WWOX: variants seen among roughly 807,000 people sequenced by gnomAD.
WWOX encodes the protein WW domain containing oxidoreductase.
WWOX carries 69 observed loss-of-function variants against 46.2 expected under a neutral mutation model. The ratio of observed to expected loss-of-function variants is 1.49; its 90% CI spans 1.23 to 1.82. The LOEUF (loss-of-function observed/expected upper bound fraction) is 1.82. WWOX is among the 40% of genes most tolerant of loss of function. The pLI, the probability that WWOX is intolerant of heterozygous loss-of-function variation, is 0.00. For synonymous variants in WWOX, 359 were observed against 202.6 expected, an observed-to-expected ratio of 1.77 and a Z score of -6.56; for missense variants, 919 against 542.6, an observed-to-expected ratio of 1.69 and a Z score of -6.89.
At chr16:78,100,367 C>G (rs1278601633) in intron 1 of WWOX, among the ~76,000 whole-genome samples, 1 of 152,172 alleles carries the variant, frequency 6.6e-6, no homozygotes, top group Non-Finnish European at 1.5e-5. Context: ...ATCCTCTCAT[C>G]TCAGCCTCTT....
At chr16:78,308,849 A>G (rs1421326682) in intron 5 of WWOX, among the ~76,000 whole-genome samples, 1 of 152,050 alleles carries the variant, frequency 6.6e-6, no homozygotes, top group East Asian at 1.9e-4. Flanking sequence ...ACTTTTAACC[A>G]ATTGCCAATC....
chr16:78,807,329 G>T (rs951620918), intron 8 of WWOX, among the ~76,000 whole-genome samples: 6 of 152,182 alleles, frequency 3.9e-5, no homozygotes, highest in African/African-American at 7.2e-5. Context: ...ACAGATGCCA[G>T]TGACACCCAG....
intron 5 of WWOX, chr16:78,238,285 TG>T: frequency 6.6e-6 from 1 of 152,398 alleles, no homozygotes; most frequent in South Asian, 2.1e-4. Context: ...TCCTTTCTAG[TG>T]TGAATGTTCA....
chr16:78,205,598 CAT>C (rs1162101985), intron 5 of WWOX, among the ~76,000 whole-genome samples: 1 of 151,946 alleles, frequency 6.6e-6, no homozygotes, highest in Non-Finnish European at 1.5e-5. Context: ...CCCACCCATC[CAT>C]ACACACTTCC....
intron 5 of WWOX, among the ~76,000 whole-genome samples, chr16:78,355,154 G>C (rs1247279662): frequency 6.6e-6 from 1 of 151,938 alleles, no homozygotes; most frequent in Non-Finnish European, 1.5e-5. Flanking sequence ...AAGTAGAGAG[G>C]ATAGTATAAT....
intron 5 of WWOX, among the ~76,000 whole-genome samples, chr16:78,367,532 A>G (rs1391909779): frequency 6.6e-6 from 1 of 152,196 alleles, no homozygotes; most frequent in African/African-American, 2.4e-5. Context: ...CACCCTGGGA[A>G]TAAAACAGAA....
At chr16:78,818,852 A>T (rs535041856) in intron 8 of WWOX, among the ~76,000 whole-genome samples, 1 of 152,284 alleles carries the variant, frequency 6.6e-6, no homozygotes, top group East Asian at 1.9e-4. Context: ...TATTGGCAGA[A>T]ATTCGTTAGC....
At chr16:78,828,488 C>G (rs11150104) in intron 8 of WWOX, among the ~76,000 whole-genome samples, 2 of 151,830 alleles carry the variant, frequency 1.3e-5, no homozygotes, top group African/African-American at 4.8e-5. Flanking sequence ...CATCTAAAGT[C>G]CAGCACTGCA....
intron 6 of WWOX, among the ~76,000 whole-genome samples, chr16:78,406,865 A>C (rs1353823673): frequency 1.3e-5 from 2 of 152,068 alleles, no homozygotes; most frequent in African/African-American, 2.4e-5. Context: ...ACCTCAAGTG[A>C]TCCGCCCGCT....
At chr16:79,073,936 A>G (rs1049185508) in intron 8 of WWOX, among the ~76,000 whole-genome samples, 77 of 152,080 alleles carry the variant, frequency 5.1e-4, no homozygotes, top group African/African-American at 1.5e-3. Context: ...GCAATTCTCA[A>G]TGTTTTTTTA....
intron 5 of WWOX, among the ~76,000 whole-genome samples, chr16:78,297,736 G>GTCTTTATATCC (rs1209027624): frequency 2.5e-4 from 38 of 152,104 alleles, no homozygotes; most frequent in Non-Finnish European, 5.9e-5. Context: ...CCTATGCATG[G>GTCTTTATATCC]TGGAATACAA....
intron 8 of WWOX, among the ~76,000 whole-genome samples, chr16:79,015,641 G>A (rs1256267765): frequency 6.6e-6 from 1 of 152,122 alleles, no homozygotes; most frequent in Admixed American, 6.5e-5. Flanking sequence ...ACCACTGTGG[G>A]ATTAGTCATG....
chr16:78,205,867 T>TCCGTACTCCCTTCCTCCCATCCTC (rs2036375774), intron 5 of WWOX, among the ~76,000 whole-genome samples: 2 of 151,458 alleles, frequency 1.3e-5, no homozygotes, highest in African/African-American at 4.9e-5. Context: ...CTTCCTTCCT[T>TCCGTACTCCCTTCCTCCCATCCTC]CCGTCCTCCC....
chr16:78,989,948 C>A (rs73567322), intron 8 of WWOX, among the ~76,000 whole-genome samples: 1 of 151,226 alleles, frequency 6.6e-6, no homozygotes, highest in Non-Finnish European at 1.5e-5. Context: ...TTTGGGAGGC[C>A]GGGGCGAGCA....
chr16:78,578,402 G>A (rs2044958591), intron 8 of WWOX, among the ~76,000 whole-genome samples: 1 of 144,920 alleles, frequency 6.9e-6, no homozygotes, highest in African/African-American at 2.6e-5. Flanking sequence ...CCATTCTCCT[G>A]CCTCAGCCTC....
intron 8 of WWOX, among the ~76,000 whole-genome samples, chr16:79,020,972 TA>T (rs939776549): frequency 6.6e-6 from 1 of 152,110 alleles, no homozygotes; most frequent in African/African-American, 2.4e-5. Context: ...AAATTGTGGG[TA>T]GCTAAATAGG....
intron 8 of WWOX, chr16:78,756,975 C>T (rs1219146527): frequency 1.4e-6 from 1 of 702,876 alleles, no homozygotes; most frequent in Non-Finnish European, 2.6e-6. Flanking sequence ...GATACTCAAG[C>T]ATACCCGTGT....
chr16:79,162,474 A>C (rs912892890), intron 8 of WWOX, among the ~76,000 whole-genome samples: 2 of 152,122 alleles, frequency 1.3e-5, no homozygotes, highest in African/African-American at 4.8e-5. Flanking sequence ...TCCTGATGCC[A>C]CTGGTGTTCC....
At chr16:79,137,744 C>T (rs1046975599) in intron 8 of WWOX, among the ~76,000 whole-genome samples, 1 of 152,090 alleles carries the variant, frequency 6.6e-6, no homozygotes, top group Non-Finnish European at 1.5e-5. Flanking sequence ...CTCCTGCTCT[C>T]CAGCCTGGCC....
Sources: allele counts gnomAD v4.1 joint callset (sites outside exome capture counted in the v4.1 genomes callset), GRCh38; gene constraint gnomAD v4.1.1; transcripts MANE v1.5; gene names NCBI Gene and HGNC (gene_info 2026-07-23, HGNC 2026-07-21).